SH3RF2: variants seen among roughly 807,000 people sequenced by gnomAD.
SH3RF2 encodes the protein SH3 domain containing ring finger 2, also known as E3 ubiquitin-protein ligase SH3RF2.
A neutral mutation model predicts 59.0 loss-of-function variants in SH3RF2; 43 were observed. The ratio of observed to expected loss-of-function variants is 0.73; its 90% CI spans 0.57 to 0.94. The LOEUF (loss-of-function observed/expected upper bound fraction) is 0.94, where lower values mean the gene tolerates loss of function less well. Ranked by LOEUF, SH3RF2 falls within the 40% of genes least tolerant of loss-of-function variation. SH3RF2 has a pLI of 0.00. For synonymous variants in SH3RF2, 391 were observed against 391.5 expected, an observed-to-expected ratio of 1.00 and a Z score of 0.01; for missense variants, 930 against 940.1, an observed-to-expected ratio of 0.99 and a Z score of 0.14.
intron 2 of SH3RF2, among the ~76,000 whole-genome samples, chr5:145,973,052 A>G (rs1309115157): frequency 6.6e-6 from 1 of 152,194 alleles, no homozygotes; most frequent in Admixed American, 6.5e-5. Flanking sequence ...AAGAAAGGGA[A>G]AGACACCTGA....
At chr5:146,080,054 C>T (rs924325861) in exon 10 of SH3RF2, 6 of 152,200 alleles carry the variant, frequency 3.9e-5, no homozygotes, top group South Asian at 2.1e-4. Context: ...CCTGCTTGGC[C>T]GATAAACCAG....
downstream of SH3RF2, among the ~76,000 whole-genome samples, chr5:146,064,864 GAGAA>G (rs374357794): frequency 7.2e-4 from 50 of 69,140 alleles, 1 homozygote; most frequent in African/African-American, 2.7e-3. Flanking sequence ...AAGAAAGAAA[GAGAA>G]AGAAAAAGAA....
chr5:146,048,623 A>T (rs566290823), intron 6 of SH3RF2, among the ~76,000 whole-genome samples: 1 of 152,220 alleles, frequency 6.6e-6, no homozygotes, highest in East Asian at 1.9e-4. Context: ...GTCTGGAGGG[A>T]CTTCCTGATG....
At chr5:146,017,560 C>CA (rs1398973350) in intron 5 of SH3RF2, among the ~76,000 whole-genome samples, 5 of 152,068 alleles carry the variant, frequency 3.3e-5, no homozygotes, top group Admixed American at 6.6e-5. Context: ...GTCCCACTGC[C>CA]AATCCTTCAT....
chr5:146,070,778 G>A (rs1054814994), intron 9 of SH3RF2, among the ~76,000 whole-genome samples: 3 of 152,182 alleles, frequency 2.0e-5, no homozygotes, highest in Non-Finnish European at 2.9e-5. Context: ...TTCTTTTGGG[G>A]GGTAGATACA....
intron 5 of SH3RF2, among the ~76,000 whole-genome samples, chr5:146,025,841 A>G (rs2150000510): frequency 6.6e-6 from 1 of 152,354 alleles, no homozygotes. Flanking sequence ...ACTAAATGAC[A>G]TTGAAATTAA....
At chr5:146,006,281 A>G (rs1415596624) in intron 4 of SH3RF2, among the ~76,000 whole-genome samples, 3 of 152,062 alleles carry the variant, frequency 2.0e-5, no homozygotes. Flanking sequence ...AAAACTAGCC[A>G]GGCATGGTGG....
chr5:145,980,479 T>A (rs1759467328), intron 2 of SH3RF2, among the ~76,000 whole-genome samples: 1 of 152,226 alleles, frequency 6.6e-6, no homozygotes, highest in Non-Finnish European at 1.5e-5. Flanking sequence ...AGTTACTTGC[T>A]ATCATTTATT....
exon 10 of SH3RF2, chr5:146,080,228 C>T (rs1012773757): frequency 2.6e-5 from 4 of 151,624 alleles, no homozygotes; most frequent in Non-Finnish European, 4.4e-5. Flanking sequence ...TTGCATCTCC[C>T]GGAAATATTG....
At position 146,056,205 on chromosome 5, in the gene SH3RF2, T is replaced by C. The variant is rs1384186470; in HGVS notation, c.1547T>C (p.Met516Thr). Residue 516 changes from methionine (M) to threonine (T), a missense_variant, in exon 8 of 10, where the codon ATG (methionine) becomes ACG (threonine). By Grantham distance (81) the Met-to-Thr change is moderately conservative (BLOSUM62 -1). Transcript: ENST00000359120. ...QGSLRKGRSS[M>T]RKNGSLQRPL... ...TCTCTTCGGAAAGGGCGGAGCAGCA[T>C]GAGAAAGAGTAAGTGGTGGCAGAGA... is the stretch of plus-strand genomic sequence containing the variant. 7 of 1,613,944 alleles carry C rather than the reference T, an allele frequency of 4.3e-6. No homozygotes were observed. The highest frequency in any genetic ancestry group is 5.9e-6 in the Non-Finnish European group (7 of 1,180,012).
chr5:145,940,348 G>A (rs1757770608), intron 2 of SH3RF2, among the ~76,000 whole-genome samples: 1 of 152,120 alleles, frequency 6.6e-6, no homozygotes, highest in Admixed American at 6.5e-5. Context: ...TCCTCAGTGG[G>A]GATATGAACA....
chr5:146,065,055 T>TC (rs982677311), downstream of SH3RF2, among the ~76,000 whole-genome samples: 1 of 152,000 alleles, frequency 6.6e-6, no homozygotes, highest in Non-Finnish European at 1.5e-5. Flanking sequence ...AAAACCATAC[T>TC]CCTCCCATAA....
intron 2 of SH3RF2, among the ~76,000 whole-genome samples, chr5:145,964,356 G>T (rs1758779557): frequency 1.4e-5 from 2 of 142,978 alleles, no homozygotes; most frequent in Non-Finnish European, 3.0e-5. Context: ...GCCCAAGCTG[G>T]AGTGCAGTGG....
chr5:146,057,169 G>A (rs369367225), intron 8 of SH3RF2, among the ~76,000 whole-genome samples: 2 of 152,220 alleles, frequency 1.3e-5, no homozygotes, highest in South Asian at 4.1e-4. Context: ...ATACAGAAGA[G>A]TAACGTGTGG....
intron 2 of SH3RF2, among the ~76,000 whole-genome samples, chr5:145,975,031 C>A (rs920641942): frequency 4.6e-5 from 7 of 152,174 alleles, no homozygotes; most frequent in East Asian, 3.9e-4. Flanking sequence ...AACCTGGAAC[C>A]AAACACTACA....
chr5:145,983,497 C>A (rs1759585787), intron 2 of SH3RF2, among the ~76,000 whole-genome samples: 1 of 152,146 alleles, frequency 6.6e-6, no homozygotes, highest in Non-Finnish European at 1.5e-5. Flanking sequence ...AGGAAGACTC[C>A]TTCATGCCAA....
intron 5 of SH3RF2, among the ~76,000 whole-genome samples, chr5:146,022,719 A>G (rs559618499): frequency 2.0e-5 from 3 of 152,088 alleles, no homozygotes; most frequent in African/African-American, 7.2e-5. Flanking sequence ...CTAAAAATAC[A>G]AAAATTAGCC....
intron 4 of SH3RF2, among the ~76,000 whole-genome samples, chr5:146,011,537 G>C (rs1425616578): frequency 6.6e-6 from 1 of 152,106 alleles, no homozygotes; most frequent in Admixed American, 6.5e-5. Flanking sequence ...CCATTTATTT[G>C]TGTCCTCTTT....
In SH3RF2 at chr5:146,060,115, T is replaced by C. The variant is rs1402078923; in HGVS notation, c.1805T>C (p.Met602Thr). Residue 602 changes from methionine to threonine, a missense_variant, in exon 9 of 10, where the codon ATG becomes ACG. Physicochemically the swap from Met to Thr is moderately conservative, Grantham distance 81. Coordinates refer to ENST00000359120, the MANE Select transcript of SH3RF2 (RefSeq NM_152550.4). The stretch of plus-strand genomic sequence containing the variant: ...CACTCCGCGGCCAGCTCCCTCATTA[T>C]GGAAGACAAAGAAATCCCCATCAAG... ...WIHSAASSLI[M>T]EDKEIPIKSE... The C allele has an allele frequency of 1.2e-6, 2 of 1,614,010 alleles. No homozygotes were observed. The highest frequency in any genetic ancestry group is 1.7e-6 in the Non-Finnish European group (2 of 1,180,010).
Sources: allele counts gnomAD v4.1 joint callset (sites outside exome capture counted in the v4.1 genomes callset), GRCh38; gene constraint gnomAD v4.1.1; transcripts MANE v1.5; gene names NCBI Gene and HGNC (gene_info 2026-07-23, HGNC 2026-07-21).